Variants in MYL3 observed in about 807,000 individuals in gnomAD.
MYL3 encodes the protein myosin light chain 3.
In MYL3, 11 loss-of-function variants were observed where a neutral mutation model predicts 21.3. The observed-to-expected ratio is 0.52, with a 90% confidence interval of 0.32 to 0.85. MYL3 has a LOEUF of 0.85. Ranked by LOEUF, MYL3 falls within the 40% of genes least tolerant of loss-of-function variation. The probability of loss-of-function intolerance (pLI) is 0.03; values close to 1 mark genes in which losing one functional copy is unlikely to be tolerated. For missense variants in MYL3, 206 were observed against 253.3 expected, an observed-to-expected ratio of 0.81 and a Z score of 1.27; for synonymous variants, 88 against 91.6, an observed-to-expected ratio of 0.96 and a Z score of 0.22.
chr3:46,864,908 G>A (rs947297178), upstream of MYL3, among the ~76,000 whole-genome samples: 5 of 152,252 alleles, frequency 3.3e-5, no homozygotes, highest in Non-Finnish European at 7.3e-5. This position sits in a 1 kb window ranked among gnomAD's most constrained non-coding sequence, Gnocchi z 4.7. Context: ...CAACAGTGGG[G>A]ACATCTTGTA....
chr3:46,866,517 T>C (rs1575499845), upstream of MYL3: 1 of 152,232 alleles, frequency 6.6e-6, no homozygotes, highest in Non-Finnish European at 1.5e-5. Context: ...CCTGGCGTCT[T>C]CCGTGTGTCC....
At chr3:46,875,186 T>C (rs1019316234) in intron 1 of MYL3, among the ~76,000 whole-genome samples, 5 of 152,160 alleles carry the variant, frequency 3.3e-5, no homozygotes, top group African/African-American at 1.2e-4. Context: ...GACGGTGCTC[T>C]AACTCACCCA....
Position 46,859,220 on chromosome 3 carries a change from A to G in MYL3, c.481+255T>C, listed in dbSNP as rs1701964123. 6.6e-6 allele frequency among the ~76,000 whole-genome samples: 1 copy of G among 152,068 alleles called. No homozygotes were observed. The highest frequency in any genetic ancestry group is 6.5e-5 in the Admixed American group (1 of 15,270). On this transcript the variant is annotated intron_variant, in intron 4 of 6. Transcript: ENST00000292327. The surrounding 1 kb of genome is among the most constrained non-coding windows in gnomAD (Gnocchi z 4.1). ...ACGGTGGCCTGGAGTCGTGGGAAGG[A>G]GGGGAGCATATCAAGACGGCTCCTT...
upstream of MYL3, among the ~76,000 whole-genome samples, chr3:46,863,901 A>G (rs929320070): frequency 1.4e-4 from 22 of 152,094 alleles, no homozygotes; most frequent in African/African-American, 5.1e-4. Context: ...GTCTGTGTCT[A>G]TGACCGTGTC....
Position 46,858,239 on chromosome 3 carries a change from G to A in MYL3, c.*5C>T, listed in dbSNP as rs727505197. ...AGGGAGTGGGTGCCTACCTGGGCAC[G>A]AGGTTTAGCTGGACATGATGTGCTT... On this transcript the variant is annotated 3_prime_UTR_variant, in exon 6 of 7. Transcript: ENST00000292327. 110 of 1,614,050 alleles carry A rather than the reference G, an allele frequency of 6.8e-5. No homozygotes were observed. Among genetic ancestry groups the A allele is most frequent in the South Asian group, 3.4e-4 (31 of 91,080 alleles).
At chr3:46,868,938 A>G (rs985649613) in intron 1 of MYL3, among the ~76,000 whole-genome samples, 2 of 152,152 alleles carry the variant, frequency 1.3e-5, no homozygotes, top group African/African-American at 4.8e-5. Flanking sequence ...GGAGCTCTGG[A>G]TGGGTGAGGT....
chr3:46,875,186 T>A (rs1019316234), intron 1 of MYL3, among the ~76,000 whole-genome samples: 1 of 152,160 alleles, frequency 6.6e-6, no homozygotes, highest in East Asian at 1.9e-4. Flanking sequence ...GACGGTGCTC[T>A]AACTCACCCA....
intron 1 of MYL3, among the ~76,000 whole-genome samples, chr3:46,877,455 C>T (rs2030290390): frequency 6.6e-6 from 1 of 152,118 alleles, no homozygotes; most frequent in Non-Finnish European, 1.5e-5. Context: ...AGAGGCATGG[C>T]AGGGCAAGGA....
intron 1 of MYL3, among the ~76,000 whole-genome samples, chr3:46,878,371 G>A (rs1004220984): frequency 2.6e-5 from 4 of 152,200 alleles, no homozygotes; most frequent in African/African-American, 9.7e-5. Context: ...GAGAGGTCTG[G>A]GGTTGAGGGC....
At chr3:46,867,420 G>T (rs1171782766), upstream of MYL3, among the ~76,000 whole-genome samples, 2 of 152,238 alleles carry the variant, frequency 1.3e-5, no homozygotes. Context: ...CAACAGCGGG[G>T]GTAGCTGCTT....
chr3:46,859,614 G>C lies in MYL3; in HGVS notation c.342C>G (p.Phe114Leu). Residue 114 changes from phenylalanine (F) to leucine (L), a missense_variant, in exon 4 of 7, where the codon TTC (phenylalanine) becomes TTG (leucine). Physicochemically the swap from Phe to Leu is conservative, Grantham distance 22. Transcript: ENST00000292327. This position sits in a 1 kb window ranked among gnomAD's most constrained non-coding sequence, Gnocchi z 4.1. ...TGGAAATGTGCTGGAGCATAGGCAG[G>C]AAAGTTTCAAAGTCCATCATCTTGG... ...LNTKMMDFET[F>L]LPMLQHISKN... The C allele has an allele frequency of 6.2e-7, 1 of 1,614,204 alleles. No homozygotes were observed. The highest frequency in any genetic ancestry group is 8.5e-7 in the Non-Finnish European group (1 of 1,180,040).
chr3:46,880,443 G>T (rs2030481495), intron 1 of MYL3, among the ~76,000 whole-genome samples: 2 of 152,150 alleles, frequency 1.3e-5, no homozygotes, highest in Non-Finnish European at 2.9e-5. Flanking sequence ...GGCAGCCATA[G>T]AAATGCATGG....
rs2106926520 is a variant in MYL3 at position 46,874,438 on chromosome 3, G to A, written c.-218+7636C>T. Among the ~76,000 whole-genome samples the A allele has an allele frequency of 6.6e-6, 1 of 152,238 alleles. No homozygotes were observed. Among genetic ancestry groups the A allele is most frequent in the East Asian group, 1.9e-4 (1 of 5,168 alleles). ...AACAGGGCAGGAGTGTCAGGACTAG[G>A]GGTTCTCCACTCGAGGGCTCCCGGC... On this transcript the variant is annotated intron_variant, in intron 1 of 3. Transcript: ENST00000431168. The surrounding 1 kb of genome is among the most constrained non-coding windows in gnomAD (Gnocchi z 4.1).
intron 1 of MYL3, among the ~76,000 whole-genome samples, chr3:46,877,442 G>A (rs1367063163): frequency 1.3e-5 from 2 of 152,082 alleles, no homozygotes; most frequent in Admixed American, 1.3e-4. Flanking sequence ...CAGAGACTAA[G>A]AGAGAGGCAT....
At chr3:46,858,879 G>C (rs1003744191) in intron 4 of MYL3, among the ~76,000 whole-genome samples, 2 of 152,122 alleles carry the variant, frequency 1.3e-5, no homozygotes, top group African/African-American at 4.8e-5. Context: ...TCTGTGTGCT[G>C]TGCTGGCCCC....
In MYL3 at chr3:46,859,027, C is replaced by T. The variant is rs909995006; in HGVS notation, c.481+448G>A. Among the ~76,000 whole-genome samples the T allele has an allele frequency of 6.6e-6, 1 of 152,112 alleles. No individual in the cohort carries two copies. Among genetic ancestry groups the T allele is most frequent in the Non-Finnish European group, 1.5e-5 (1 of 68,006 alleles). On this transcript the variant is annotated intron_variant, in intron 4 of 6. Transcript: ENST00000292327. This position sits in a 1 kb window ranked among gnomAD's most constrained non-coding sequence, Gnocchi z 4.1. Reference sequence around the variant, plus strand: ...TCAAATGTTTGCTGCAGGAAAAAATCACTTTGAAGAGGGACCCCCTGCTGC... The same window carrying T: ...TCAAATGTTTGCTGCAGGAAAAAATTACTTTGAAGAGGGACCCCCTGCTGC...
At position 46,861,036 on chromosome 3, in the gene MYL3, C is replaced by T. The variant is rs767888942; in HGVS notation, c.130-49G>A. ...AGATGCCCGGCTTAAAAGGTGGGGC[C>T]ACACCTCCTCCTGGGCACTCGGTGG... On this transcript the variant is annotated intron_variant, in intron 1 of 6. Transcript: ENST00000292327. This position sits in a 1 kb window ranked among gnomAD's most constrained non-coding sequence, Gnocchi z 4.2. The T allele has an allele frequency of 7.5e-6, 12 of 1,608,498 alleles. No individual in the cohort carries two copies. In the African/African-American group the frequency reaches 1.3e-4, roughly 18 times the overall value.
At chr3:46,876,545 C>G (rs2030226276) in intron 1 of MYL3, among the ~76,000 whole-genome samples, 1 of 152,220 alleles carries the variant, frequency 6.6e-6, no homozygotes, top group African/African-American at 2.4e-5. Flanking sequence ...GCTCTTTGGT[C>G]CCGTTTCCTC....
Position 46,860,868 on chromosome 3 carries a change from G to C in MYL3, c.158-43C>G. 6.2e-7 allele frequency: 1 copy of C among 1,614,092 alleles called. No homozygotes were observed. The highest frequency in any genetic ancestry group is 8.5e-7 in the Non-Finnish European group (1 of 1,179,982). On this transcript the variant is annotated intron_variant, in intron 2 of 6. Transcript: ENST00000292327. This position sits in a 1 kb window ranked among gnomAD's most constrained non-coding sequence, Gnocchi z 4.6. ...TGAGCCACAGACACTCCCAGGGTCA[G>C]CCTACCCCACTCCCCACACCCCTGG...
Sources: gnomAD v4.1 joint callset for allele counts (sites outside exome capture counted in the v4.1 genomes callset) on GRCh38, gnomAD v4.1.1 for gene constraint, Gnocchi (gnomAD v3.1) non-coding constraint, MANE v1.5 for transcripts, NCBI Gene and HGNC (gene_info 2026-07-23, HGNC 2026-07-21) for gene names.